Variants in PSG6 observed in about 807,000 individuals in gnomAD.
PSG6 encodes the protein pregnancy specific beta-1-glycoprotein 6.
In PSG6, 51 loss-of-function variants were observed where a neutral mutation model predicts 43.3. That is an observed-to-expected ratio of 1.18 (90% CI 0.94 to 1.49). PSG6 has a LOEUF of 1.49. Ranked by LOEUF, PSG6 falls within the 40% of genes most tolerant of loss-of-function variation. The probability of loss-of-function intolerance (pLI) is 0.00; values close to 1 mark genes in which losing one functional copy is unlikely to be tolerated. For synonymous variants in PSG6, 292 were observed against 197.6 expected (o/e 1.48, Z -4.01); for missense variants, 770 against 522.2 (o/e 1.47, Z -4.62).
In PSG6 at chr19:42,906,384, G is replaced by A. The variant is rs953392967; in HGVS notation, c.1240+538C>T. 4.6e-5 allele frequency among the ~76,000 whole-genome samples: 7 copies of A among 151,442 alleles called. 1 individual carries two copies. The highest frequency in any genetic ancestry group is 1.7e-4 in the African/African-American group (7 of 41,162). On this transcript the variant is annotated intron_variant, in intron 5 of 5. Transcript: ENST00000187910. ...CCAGGGCCCTTTCTCCACACATGTTGGTTCCACCCCAGGTGGAGTCAGGCA... is the reference window on the plus strand; with the variant it reads ...CCAGGGCCCTTTCTCCACACATGTTAGTTCCACCCCAGGTGGAGTCAGGCA...
Position 42,917,811 on chromosome 19 carries a change from G to T in PSG6, c.-19C>A, listed in dbSNP as rs766345569. On this transcript the variant is annotated 5_prime_UTR_variant, in exon 1 of 6. Coordinates refer to ENST00000187910, the MANE Select transcript of PSG6 (RefSeq NM_001031850.4). ...GTCCCATGGTCTCTGCTGTCTGTGTGTTCTCCCCTGTGGAGATGAGCCTAG... is the reference window on the plus strand; with the variant it reads ...GTCCCATGGTCTCTGCTGTCTGTGTTTTCTCCCCTGTGGAGATGAGCCTAG... 1.5e-4 allele frequency: 239 copies of T among 1,606,128 alleles called. 5 individuals carry two copies. The highest frequency in any genetic ancestry group is 2.0e-4 in the Non-Finnish European group (233 of 1,175,718).
chr19:42,914,381 C>T (rs1375807855), intron 2 of PSG6, among the ~76,000 whole-genome samples: 1 of 150,776 alleles, frequency 6.6e-6, no homozygotes, highest in Non-Finnish European at 1.5e-5. Flanking sequence ...AGAAGCTGTG[C>T]AGGACAGGGC....
rs567549536 is a variant in PSG6 at position 42,910,615 on chromosome 19, G to T, written c.671C>A (p.Ala224Asp). The T allele has an allele frequency of 2.5e-6, 4 of 1,612,452 alleles. No homozygotes were observed. Among genetic ancestry groups the T allele is most frequent in the South Asian group, 1.1e-5 (1 of 90,638 alleles). ...YECEIRNPVSASRSDPVTLNL... is the reference protein window; with the variant it reads ...YECEIRNPVSDSRSDPVTLNL... ...CAGGGTGACTGGGTCACTGCGGCTG[G>T]CACTCACTGGGTTCCGTATTTCACA... Residue 224 changes from alanine (A) to aspartate (D), a missense_variant, in exon 3 of 6, where the codon GCC becomes GAC. Physicochemically the swap from Ala to Asp is moderately radical, Grantham distance 126 (BLOSUM62 -2). Transcript: ENST00000187910.
Position 42,903,676 on chromosome 19 carries a change from A to C in PSG6, c.1241-1230T>G, listed in dbSNP as rs745744148. 5 of 1,533,902 alleles carry C rather than the reference A, an allele frequency of 3.3e-6. No homozygotes were observed. In the South Asian group the frequency reaches 6.2e-5, roughly 19 times the overall value. ...AGGTCACAGCAGAAGGATTTCTTGA[A>C]ACCAGGTGTTTGGACCAGCATAGGT... is the stretch of plus-strand genomic sequence containing the variant. On this transcript the variant is annotated intron_variant, in intron 5 of 5. Transcript: ENST00000187910.
At chr19:42,908,155 C>G (rs1470548794) in intron 3 of PSG6, among the ~76,000 whole-genome samples, 1 of 151,628 alleles carries the variant, frequency 6.6e-6, no homozygotes, top group Non-Finnish European at 1.5e-5. Context: ...CCTCCATAAT[C>G]AGTTGACTGG....
rs188306680 is a variant in PSG6 at position 42,908,033 on chromosome 19, C to G, written c.707-179G>C. On this transcript the variant is annotated intron_variant, in intron 3 of 5. Coordinates refer to ENST00000187910, the MANE Select transcript of PSG6 (RefSeq NM_001031850.4). ...TAAGGGCTCAAAGACTGTGAGGCCT[C>G]CTGCTCTGTCTTAGGGAAGCACAGA... The G allele has an allele frequency of 4.8e-4, 496 of 1,038,726 alleles. 5 individuals carry two copies. In the African/African-American group the frequency reaches 6.8e-3, roughly 14 times the overall value. 64.3% of individuals were successfully genotyped at this position (1,038,726 alleles called of 1,614,324 possible).
intron 2 of PSG6, among the ~76,000 whole-genome samples, chr19:42,911,700 T>A (rs754825870): frequency 2.6e-5 from 4 of 151,724 alleles, no homozygotes; most frequent in Non-Finnish European, 4.4e-5. Context: ...AGGGCAAACA[T>A]GAACAGATGA....
At position 42,912,065 on chromosome 19, in the gene PSG6, AT is replaced by A. The variant is rs745492849; in HGVS notation, c.428-1208del. Among the ~76,000 whole-genome samples, 59 of 151,654 alleles carry A rather than the reference AT, an allele frequency of 3.9e-4. 3 individuals are homozygous for A. In the East Asian group the frequency reaches 0.011, roughly 28 times the overall value. On this transcript the variant is annotated intron_variant, in intron 2 of 5. Transcript: ENST00000187910. Reference sequence around the variant, plus strand: ...GTGTTTTGGATTTCTAATTTTTTTTATTTTGGAATATTTGCAGTATATGTAC... The same window carrying A: ...GTGTTTTGGATTTCTAATTTTTTTTATTTGGAATATTTGCAGTATATGTAC...
In PSG6 at chr19:42,907,812, G is replaced by T. The variant is rs766141620; in HGVS notation, c.749C>A (p.Pro250His). The T allele has an allele frequency of 3.1e-6, 5 of 1,611,524 alleles. No individual in the cohort carries two copies. Among genetic ancestry groups the T allele is most frequent in the Non-Finnish European group, 4.2e-6 (5 of 1,179,058 alleles). Residue 250 changes from proline to histidine, a missense_variant, in exon 4 of 6, where the codon CCC becomes CAC. By Grantham distance (77) the Pro-to-His change is moderately conservative. Coordinates refer to ENST00000187910, the MANE Select transcript of PSG6 (RefSeq NM_001031850.4). Reference protein sequence around the residue: ...MPYITINNLNPREKKDVLAFT... With the variant: ...MPYITINNLNHREKKDVLAFT... ...GGCTAACACATCCTTCTTCTCCCTG[G>T]GGTTTAAGTTGTTGATGGTGATGTA...
chr19:42,916,746 A>G (rs1469528155), intron 1 of PSG6, among the ~76,000 whole-genome samples: 1 of 150,954 alleles, frequency 6.6e-6, no homozygotes, highest in Non-Finnish European at 1.5e-5. Context: ...TTCTGTTTGC[A>G]ATCCTCTTCC....
intron 2 of PSG6, among the ~76,000 whole-genome samples, chr19:42,912,365 A>G (rs1272806030): frequency 6.6e-6 from 1 of 151,766 alleles, no homozygotes; most frequent in Non-Finnish European, 1.5e-5. Flanking sequence ...CTGATGGTCC[A>G]AACATCTAAG....
chr19:42,907,974 G>T, intron 3 of PSG6, 120 bp from the exon 4 acceptor site: 1 of 1,412,122 alleles, frequency 7.1e-7, no homozygotes, highest in Non-Finnish European at 9.7e-7. Context: ...GCCAGTAGCT[G>T]GTGCATGTGT....
In PSG6 at chr19:42,906,784, G is replaced by A. The variant is rs868178599; in HGVS notation, c.1240+138C>T. 1.3e-6 allele frequency: 2 copies of A among 1,594,512 alleles called. 1 individual carries two copies. Reference sequence around the variant, plus strand: ...AGAGTCTGTAGAGATAAGTTGGGAGGGTTCAGGAGGAGAATTTGGGATTTG... The same window carrying A: ...AGAGTCTGTAGAGATAAGTTGGGAGAGTTCAGGAGGAGAATTTGGGATTTG... On this transcript the variant is annotated intron_variant, in intron 5 of 5. Coordinates refer to ENST00000187910, the MANE Select transcript of PSG6 (RefSeq NM_001031850.4).
Position 42,907,164 on chromosome 19 carries a change from A to T in PSG6, c.998T>A (p.Leu333His). 2 of 1,611,950 alleles carry T rather than the reference A, an allele frequency of 1.2e-6. No individual in the cohort carries two copies. Among genetic ancestry groups the T allele is most frequent in the East Asian group, 4.5e-5 (2 of 44,798 alleles). The change falls in exon 5 of 6, where the codon CTC becomes CAC. Residue 333 changes from leucine (L) to histidine (H), a missense_variant. Transcript: ENST00000187910. ...GGTGAATGAAGGGTAAATTCTGGGG[A>T]GGTCTGGACCATCTGGAGGAAAGAG... ...VTLNVLYGPDLPRIYPSFTYY... is the reference protein window; with the variant it reads ...VTLNVLYGPDHPRIYPSFTYY...
At chr19:42,911,096 T>C (rs931453779) in intron 2 of PSG6, among the ~76,000 whole-genome samples, 3 of 151,520 alleles carry the variant, frequency 2.0e-5, no homozygotes, top group Non-Finnish European at 4.4e-5. Context: ...AGCAGCAGCA[T>C]TGGGTCATGG....
In PSG6 at chr19:42,904,145, C is replaced by A. The variant is rs1051352841; in HGVS notation, c.1241-1699G>T. On this transcript the variant is annotated intron_variant, in intron 5 of 5. Coordinates refer to ENST00000187910, the MANE Select transcript of PSG6 (RefSeq NM_001031850.4). ...ATAAAAACATTCTAAGAATGGAAGG[C>A]AACCACCTCAACATAAAGGCAATAT... 1.8e-4 allele frequency among the ~76,000 whole-genome samples: 27 copies of A among 151,552 alleles called. 1 individual carries two copies. The highest frequency in any genetic ancestry group is 4.6e-4 in the African/African-American group (19 of 41,286).
chr19:42,911,766 G>T (rs889536191), intron 2 of PSG6, among the ~76,000 whole-genome samples: 5 of 151,828 alleles, frequency 3.3e-5, no homozygotes, highest in African/African-American at 1.2e-4. Flanking sequence ...ACCAATATTT[G>T]GGAAGAAGTC....
Position 42,902,437 on chromosome 19 carries a change from T to C in PSG6, c.1250A>G (p.His417Arg). 2 of 1,611,402 alleles carry C rather than the reference T, an allele frequency of 1.2e-6. No homozygotes were observed. The highest frequency in any genetic ancestry group is 2.2e-5 in the East Asian group (1 of 44,784). Residue 417 changes from histidine (H) to arginine (R), a missense_variant, in exon 6 of 6, where the codon CAT becomes CGT. Physicochemically the swap from His to Arg is conservative, Grantham distance 29. Coordinates refer to ENST00000187910, the MANE Select transcript of PSG6 (RefSeq NM_001031850.4). ...SMIVKVSGPC[H>R]GNQTESH ...TTAATGAGACTCTGTCTGGTTTCCA[T>C]GGCAGGGACCTGATTGACAGAAGGC...
chr19:42,916,085 C>T lies in PSG6; in HGVS notation c.427+40G>A, dbSNP rs373521048. The T allele has an allele frequency of 3.6e-5, 57 of 1,605,328 alleles. 2 individuals carry two copies. The African/African-American group carries it at 5.0e-4, about 14-fold the overall frequency. On this transcript the variant is annotated intron_variant, in intron 2 of 5. Transcript: ENST00000187910. ...CTGTGTGTGTGAAGTAGAAATGACCCCTGCCCCCCAACACCCAGGGATCAT... is the reference window on the plus strand; with the variant it reads ...CTGTGTGTGTGAAGTAGAAATGACCTCTGCCCCCCAACACCCAGGGATCAT...
Sources: gnomAD v4.1 joint callset for allele counts (sites outside exome capture counted in the v4.1 genomes callset) on GRCh38, gnomAD v4.1.1 for gene constraint, MANE v1.5 for transcripts, NCBI Gene and HGNC (gene_info 2026-07-23, HGNC 2026-07-21) for gene names.